The following COL11A1 variants were observed in gnomAD, a reference collection of about 807,000 sequenced individuals.
COL11A1 encodes collagen alpha-1(XI) chain.
COL11A1 carries 74 observed loss-of-function variants against 265.2 expected under a neutral mutation model. That is an observed-to-expected ratio of 0.28 (90% CI 0.23 to 0.34). The LOEUF (loss-of-function observed/expected upper bound fraction) is 0.34, where lower values mean the gene tolerates loss of function less well. COL11A1 is among the 10% of genes least tolerant of loss of function. The pLI, the probability that COL11A1 is intolerant of heterozygous loss-of-function variation, is 1.00. For missense variants in COL11A1, 2,165 were observed against 2,263.6 expected (o/e 0.96, Z 0.88); for synonymous variants, 816 against 727.6 (o/e 1.12, Z -1.96).
At chr1:103,046,681 G>T (rs1297853164) in intron 4 of COL11A1, among the ~76,000 whole-genome samples, 2 of 150,822 alleles carry the variant, frequency 1.3e-5, no homozygotes, top group Non-Finnish European at 3.0e-5. Flanking sequence ...GTCCTTGCCC[G>T]TGCCTATGTC....
chr1:102,880,046 C>A, intron 65 of COL11A1, 130 bp from the exon 66 acceptor site: 3 of 674,296 alleles, frequency 4.4e-6, no homozygotes, highest in Non-Finnish European at 5.2e-6. Context: ...CCACCTTAAC[C>A]TAATGAAAAA....
intron 57 of COL11A1, 25 bp downstream of exon 57, chr1:102,898,099 TA>T: frequency 6.6e-7 from 1 of 1,513,334 alleles, no homozygotes; most frequent in Non-Finnish European, 9.0e-7. Context: ...TCTCACTTTT[TA>T]AATGACTGAA....
At chr1:102,983,297 G>T (rs1663217394) in intron 31 of COL11A1, among the ~76,000 whole-genome samples, 1 of 151,962 alleles carries the variant, frequency 6.6e-6, no homozygotes, top group South Asian at 2.1e-4. Context: ...TTGAATGGTG[G>T]CTCCTGAAAA....
chr1:102,953,380 G>C (rs180789251), intron 41 of COL11A1, among the ~76,000 whole-genome samples: 163 of 152,154 alleles, frequency 1.1e-3, no homozygotes, highest in Non-Finnish European at 2.0e-3. Context: ...CTAGCTTTCT[G>C]ATCTGGAGCA....
At chr1:103,090,382 G>T (rs1673222790) in intron 1 of COL11A1, among the ~76,000 whole-genome samples, 2 of 152,042 alleles carry the variant, frequency 1.3e-5, no homozygotes, top group African/African-American at 4.8e-5. Context: ...TGAGATGTAG[G>T]ACTGACAAAA....
At chr1:103,089,533 G>A (rs1389872430) in intron 1 of COL11A1, among the ~76,000 whole-genome samples, 1 of 152,136 alleles carries the variant, frequency 6.6e-6, no homozygotes, top group African/African-American at 2.4e-5. Flanking sequence ...TGTTAAGCAT[G>A]TAATTTATTG....
chr1:103,045,704 G>C (rs1669196581), intron 4 of COL11A1, among the ~76,000 whole-genome samples: 2 of 151,880 alleles, frequency 1.3e-5, no homozygotes, highest in African/African-American at 4.8e-5. Context: ...TGCCATATTG[G>C]TGTGCTGCAC....
At chr1:102,995,025 A>T (rs1664488657) in intron 28 of COL11A1, among the ~76,000 whole-genome samples, 1 of 152,110 alleles carries the variant, frequency 6.6e-6, no homozygotes, top group African/African-American at 2.4e-5. Context: ...TCAGGAGAAC[A>T]TCATGAGGGA....
At chr1:102,995,760 T>C in intron 28 of COL11A1, 104 bp downstream of exon 28, 1 of 917,044 alleles carries the variant, frequency 1.1e-6, no homozygotes, top group Non-Finnish European at 1.8e-6. Context: ...TTGCGTAGTA[T>C]GTAGTAATCA....
chr1:103,079,911 G>A (rs1288133500), intron 2 of COL11A1, among the ~76,000 whole-genome samples: 1 of 151,774 alleles, frequency 6.6e-6, no homozygotes, highest in Admixed American at 6.6e-5. Flanking sequence ...TGTCTGGCTT[G>A]GATTCAAGTT....
At chr1:103,077,854 C>G (rs6577347) in intron 3 of COL11A1, among the ~76,000 whole-genome samples, 1 of 151,916 alleles carries the variant, frequency 6.6e-6, no homozygotes, top group Non-Finnish European at 1.5e-5. Flanking sequence ...TCCAACTATA[C>G]GAACTTAGGC....
rs915910938 is a variant in COL11A1 at position 103,108,401 on chromosome 1, C to G, written c.-223G>C. The G allele has an allele frequency of 1.6e-5, 10 of 612,604 alleles. No individual in the cohort carries two copies. Among genetic ancestry groups the G allele is most frequent in the Admixed American group, 1.1e-4 (4 of 36,320 alleles). 37.9% of individuals were successfully genotyped at this position (612,604 alleles called of 1,614,324 possible). On this transcript the variant is annotated 5_prime_UTR_variant, in exon 1 of 67. Coordinates refer to ENST00000370096, the MANE Select transcript of COL11A1 (RefSeq NM_001854.4). ...TGAGTTGGCCCCACCGGCCGGGACC[C>G]TCCGGCCGCGACCCTCTGATCCTTC...
Position 102,900,638 on chromosome 1 carries a change from T to C in COL11A1, c.4087-1644A>G, listed in dbSNP as rs555690582. The stretch of plus-strand genomic sequence containing the variant: ...GGCTTTTAAAAAAGCAAGCCATCTA[T>C]TGTCTAAAATTGGAAGGAAAATATC... On this transcript the variant is annotated intron_variant, in intron 54 of 66. Transcript: ENST00000370096. Among the ~76,000 whole-genome samples the C allele has an allele frequency of 6.6e-5, 10 of 152,216 alleles. 1 individual carries two copies. The South Asian group carries it at 1.7e-3, about 25-fold the overall frequency.
At chr1:102,914,435 T>G (rs760049241) in intron 51 of COL11A1, 30 bp from the exon 52 acceptor site, 12 of 1,569,614 alleles carry the variant, frequency 7.6e-6, no homozygotes, top group African/African-American at 1.4e-5. Context: ...GAAAAAGAAA[T>G]AAATGAAAAA....
intron 37 of COL11A1, among the ~76,000 whole-genome samples, chr1:102,966,016 C>A (rs1450355972): frequency 1.3e-5 from 2 of 152,098 alleles, no homozygotes; most frequent in African/African-American, 2.4e-5. Flanking sequence ...TAATGCTTTG[C>A]ATAGTTAGTA....
At chr1:103,011,310 T>C (rs968855915) in intron 14 of COL11A1, among the ~76,000 whole-genome samples, 1 of 152,180 alleles carries the variant, frequency 6.6e-6, no homozygotes, top group Admixed American at 6.5e-5. Context: ...GCCATATTAC[T>C]GTATTTTGGA....
rs759153754 is a variant in COL11A1, at chr1:103,078,815, T to A, written c.331A>T (p.Ile111Phe). The part of the protein sequence containing the change: ...ILFTVKPKKG[I>F]QSFLLSIYNE... ...TATATAGATAAAAGGAAAGACTGAA[T>A]TCCTTTTTTTGGTTTTACTGTAAAT... The change falls in exon 3 of 67, where the codon ATT becomes TTT. Residue 111 changes from isoleucine (I) to phenylalanine (F), a missense_variant. By Grantham distance (21) the Ile-to-Phe change is conservative (BLOSUM62 0). Transcript: ENST00000370096. 1.9e-6 allele frequency: 3 copies of A among 1,612,656 alleles called. No individual in the cohort carries two copies. The Admixed American group carries it at 5.0e-5, about 27-fold the overall frequency.
intron 54 of COL11A1, among the ~76,000 whole-genome samples, chr1:102,904,375 G>T (rs1240577052): frequency 6.6e-6 from 1 of 152,042 alleles, no homozygotes; most frequent in Non-Finnish European, 1.5e-5. Context: ...TTGACAAATG[G>T]GATCTAATTA....
At chr1:102,891,520 C>T (rs368468228) in intron 57 of COL11A1, among the ~76,000 whole-genome samples, 10 of 151,764 alleles carry the variant, frequency 6.6e-5, no homozygotes, top group Non-Finnish European at 8.8e-5. Context: ...TCTGTCCTGC[C>T]CCCCCGCCCA....
Sources: allele counts gnomAD v4.1 joint callset (sites outside exome capture counted in the v4.1 genomes callset), GRCh38; gene constraint gnomAD v4.1.1; transcripts MANE v1.5; gene names NCBI Gene and HGNC (gene_info 2026-07-23, HGNC 2026-07-21).